The following HAT1 variants were observed in gnomAD, a reference collection of about 807,000 sequenced individuals.
HAT1 encodes histone acetyltransferase 1.
A neutral mutation model predicts 56.6 loss-of-function variants in HAT1; 20 were observed. The ratio of observed to expected loss-of-function variants is 0.35; its 90% CI spans 0.25 to 0.51. The LOEUF (loss-of-function observed/expected upper bound fraction) is 0.51, where lower values mean the gene tolerates loss of function less well. Ranked by LOEUF, HAT1 falls within the 20% of genes least tolerant of loss-of-function variation. HAT1 has a pLI of 0.95. For synonymous variants in HAT1, 146 were observed against 165.5 expected, an observed-to-expected ratio of 0.88 and a Z score of 0.91; for missense variants, 408 against 504.3, an observed-to-expected ratio of 0.81 and a Z score of 1.83.
intron 3 of HAT1, among the ~76,000 whole-genome samples, chr2:171,952,361 T>G (rs1162331219): frequency 6.6e-6 from 1 of 152,228 alleles, no homozygotes; most frequent in African/African-American, 2.4e-5. Flanking sequence ...GTGGAAGAAT[T>G]AGCAGCAGTT....
intron 8 of HAT1, among the ~76,000 whole-genome samples, chr2:171,972,080 AC>A (rs1424314742): frequency 3.3e-5 from 5 of 152,174 alleles, no homozygotes; most frequent in Non-Finnish European, 5.9e-5. Flanking sequence ...AATGTACCTG[AC>A]AAAACCCTAC....
At position 171,922,522 on chromosome 2, in the gene HAT1, A is replaced by G; in HGVS notation, c.7+15A>G. On this transcript the variant is annotated intron_variant, in intron 1 of 10. Coordinates refer to ENST00000264108, the MANE Select transcript of HAT1 (RefSeq NM_003642.4). ...GGAAATGGCGGGTAAGTTACCGGGA[A>G]AAGTTTACCAAGGGGAGGAGGCGGC... 1 of 1,317,916 alleles carries G rather than the reference A, an allele frequency of 7.6e-7. No individual in the cohort carries two copies. Among genetic ancestry groups the G allele is most frequent in the Non-Finnish European group, 9.8e-7 (1 of 1,023,840 alleles). The allele number at this position is 1,317,916 out of a possible 1,614,324, so 81.6% of individuals were successfully genotyped here. A position where few individuals can be genotyped will look rare whatever the true frequency, so the allele number is the denominator to read the frequency against.
chr2:171,922,560 A>G (rs1686464450), intron 1 of HAT1, 53 bp downstream of exon 1: 9 of 1,291,266 alleles, frequency 7.0e-6, no homozygotes, highest in Non-Finnish European at 9.0e-6. Flanking sequence ...GATCGGGGAT[A>G]GAACGCCGAG....
intron 2 of HAT1, among the ~76,000 whole-genome samples, chr2:171,931,008 A>G (rs1686732745): frequency 6.6e-6 from 1 of 152,082 alleles, no homozygotes; most frequent in Non-Finnish European, 1.5e-5. Flanking sequence ...TCTTTGCCTT[A>G]TACAGTTGTC....
intron 8 of HAT1, among the ~76,000 whole-genome samples, chr2:171,973,927 C>G (rs1271342772): frequency 6.6e-6 from 1 of 152,082 alleles, no homozygotes; most frequent in East Asian, 1.9e-4. Context: ...CACCTGTAAT[C>G]CCAGCACATT....
At chr2:171,943,870 C>T (rs1050983148) in intron 2 of HAT1, among the ~76,000 whole-genome samples, 12 of 151,590 alleles carry the variant, frequency 7.9e-5, no homozygotes, top group African/African-American at 2.9e-4. Context: ...AAAATTAGTC[C>T]AGGCATGGTG....
chr2:171,929,005 G>T (rs1686669154), intron 2 of HAT1, among the ~76,000 whole-genome samples: 1 of 152,102 alleles, frequency 6.6e-6, no homozygotes, highest in South Asian at 2.1e-4. Flanking sequence ...AACTTTATGG[G>T]ATACTTGGCC....
chr2:171,957,105 CT>C (rs1273499460), intron 4 of HAT1, among the ~76,000 whole-genome samples: 1 of 152,150 alleles, frequency 6.6e-6, no homozygotes, highest in Admixed American at 6.6e-5. Flanking sequence ...AGAATTAAAA[CT>C]TTATAGTGCA....
Position 171,966,882 on chromosome 2 carries a change from TG to T in HAT1, c.758del (p.Gly253ValfsTer31). ...TGACTCCATTTCAAGGTCAAGGCCA[TG>T]GTGCTCAACTTCTTGAAACAGTTCA... Reference protein sequence around the residue: ...ILTPFQGQGHGAQLLETVHRY... With the variant: ...ILTPFQGQGHXAQLLETVHRY... On this transcript the variant is annotated frameshift_variant, in exon 8 of 11. Coordinates refer to ENST00000264108, the MANE Select transcript of HAT1 (RefSeq NM_003642.4). LOFTEE classifies it high-confidence loss of function. 1 of 1,595,106 alleles carries T rather than the reference TG, an allele frequency of 6.3e-7. No individual in the cohort carries two copies. The highest frequency in any genetic ancestry group is 8.6e-7 in the Non-Finnish European group (1 of 1,163,276).
intron 4 of HAT1, among the ~76,000 whole-genome samples, chr2:171,963,227 T>G (rs1687613690): frequency 6.7e-6 from 1 of 149,826 alleles, no homozygotes; most frequent in African/African-American, 2.4e-5. Context: ...AAATATATAT[T>G]TATATAATTA....
intron 2 of HAT1, among the ~76,000 whole-genome samples, chr2:171,941,981 T>C (rs1687029757): frequency 6.6e-6 from 1 of 152,196 alleles, no homozygotes; most frequent in South Asian, 2.1e-4. Flanking sequence ...CTCGGCTTAC[T>C]GCAACCTCTG....
chr2:171,972,275 G>A (rs1442762458), intron 8 of HAT1, among the ~76,000 whole-genome samples: 9 of 150,100 alleles, frequency 6.0e-5, no homozygotes. Context: ...TGAGGTAGGG[G>A]TAGTGTTTGA....
At chr2:171,979,194 G>A in intron 9 of HAT1, 53 bp from the exon 10 acceptor site, 1 of 808,384 alleles carries the variant, frequency 1.2e-6, no homozygotes, top group East Asian at 2.4e-5. Context: ...TTTTGGGAAA[G>A]TGTCATTATT....
intron 4 of HAT1, among the ~76,000 whole-genome samples, chr2:171,956,254 T>C (rs1574053874): frequency 7.2e-6 from 1 of 139,660 alleles, no homozygotes; most frequent in Non-Finnish European, 1.5e-5. Context: ...GAGGCCAAGG[T>C]AGGTAGATCA....
chr2:171,940,856 G>T (rs1157902891), intron 2 of HAT1, among the ~76,000 whole-genome samples: 1 of 152,122 alleles, frequency 6.6e-6, no homozygotes, highest in African/African-American at 2.4e-5. Context: ...TTTGTTGGCA[G>T]TCTTAGAGTC....
At chr2:171,928,989 A>G (rs922995390) in intron 2 of HAT1, among the ~76,000 whole-genome samples, 9 of 152,196 alleles carry the variant, frequency 5.9e-5, no homozygotes, top group East Asian at 1.9e-4. Context: ...GGGTATTTGT[A>G]TGTTTAACTT....
At chr2:171,938,404 C>A (rs1686932004) in intron 2 of HAT1, among the ~76,000 whole-genome samples, 1 of 152,050 alleles carries the variant, frequency 6.6e-6, no homozygotes, top group Non-Finnish European at 1.5e-5. Context: ...TGGGATGATT[C>A]AAGCGCATTA....
At chr2:171,941,202 G>GT (rs1374256411) in intron 2 of HAT1, among the ~76,000 whole-genome samples, 1 of 151,672 alleles carries the variant, frequency 6.6e-6, no homozygotes, top group African/African-American at 2.4e-5. Flanking sequence ...TAGGGTTGGT[G>GT]TTTTTTTTGT....
At chr2:171,974,173 C>CAAAAAAAAAAAAAAAA (rs1183466393) in intron 8 of HAT1, among the ~76,000 whole-genome samples, 5 of 45,556 alleles carry the variant, frequency 1.1e-4, no homozygotes, top group African/African-American at 3.7e-4. Context: ...GACCCTGTCT[C>CAAAAAAAAAAAAAAAA]AAAAAAAAAA....
Sources: allele counts gnomAD v4.1 joint callset (sites outside exome capture counted in the v4.1 genomes callset), GRCh38; gene constraint gnomAD v4.1.1; transcripts MANE v1.5; gene names NCBI Gene and HGNC (gene_info 2026-07-23, HGNC 2026-07-21).